Variants in SHC3 observed in about 807,000 individuals in gnomAD.
The protein encoded by SHC3 is SHC-transforming protein 3.
Under a neutral mutation model 60.4 loss-of-function variants are expected in SHC3, and 15 were observed. The observed-to-expected ratio is 0.25, with a 90% CI of 0.17 to 0.38. The LOEUF is 0.38. SHC3 is among the 10% of genes least tolerant of loss of function. The pLI, the probability that SHC3 is intolerant of heterozygous loss-of-function variation, is 1.00. For synonymous variants in SHC3, 294 were observed against 325.9 expected (o/e 0.90, Z 1.05); for missense variants, 677 against 786.1 (o/e 0.86, Z 1.66).
intron 4 of SHC3, among the ~76,000 whole-genome samples, chr9:89,073,086 A>C (rs1825300383): frequency 6.6e-6 from 1 of 152,204 alleles, no homozygotes; most frequent in Non-Finnish European, 1.5e-5. Flanking sequence ...GCAAAGGTAG[A>C]GGGCTCCTAA....
intron 6 of SHC3, among the ~76,000 whole-genome samples, chr9:89,054,612 G>C (rs1311359896): frequency 6.6e-6 from 1 of 152,226 alleles, no homozygotes; most frequent in African/African-American, 2.4e-5. Context: ...AGCCTGCTGG[G>C]CTTCACCTCT....
At chr9:89,123,790 C>T (rs1302435818) in intron 1 of SHC3, among the ~76,000 whole-genome samples, 2 of 152,126 alleles carry the variant, frequency 1.3e-5, no homozygotes, top group African/African-American at 4.8e-5. Context: ...TCTATTAGAG[C>T]CATCTTCTGA....
chr9:89,175,985 C>T (rs372276296), intron 1 of SHC3, among the ~76,000 whole-genome samples: 2 of 152,174 alleles, frequency 1.3e-5, no homozygotes, highest in Non-Finnish European at 1.5e-5. Flanking sequence ...TTTCTTTCTG[C>T]GTGATTTCAA....
intron 2 of SHC3, among the ~76,000 whole-genome samples, chr9:89,100,792 C>T (rs961293028): frequency 1.4e-4 from 21 of 152,170 alleles, no homozygotes; most frequent in Non-Finnish European, 2.6e-4. Context: ...TGAGATCCAT[C>T]CACATTGTTG....
At chr9:89,124,236 T>A (rs1299494088) in intron 1 of SHC3, among the ~76,000 whole-genome samples, 2 of 152,212 alleles carry the variant, frequency 1.3e-5, no homozygotes, top group Non-Finnish European at 2.9e-5. Flanking sequence ...TTTCACACTG[T>A]TGGTAGGAGT....
intron 1 of SHC3, among the ~76,000 whole-genome samples, chr9:89,125,171 A>T (rs75142806): frequency 1.3e-5 from 2 of 152,284 alleles, no homozygotes; most frequent in Non-Finnish European, 2.9e-5. Flanking sequence ...AACATCAACC[A>T]GGAGCTTGTT....
At chr9:89,063,896 C>T (rs1825132554) in intron 6 of SHC3, among the ~76,000 whole-genome samples, 1 of 152,238 alleles carries the variant, frequency 6.6e-6, no homozygotes, top group Non-Finnish European at 1.5e-5. Context: ...CTGTCTTAAT[C>T]AGCTGGGACT....
At chr9:89,113,863 C>A (rs1030745242) in intron 1 of SHC3, among the ~76,000 whole-genome samples, 6 of 152,160 alleles carry the variant, frequency 3.9e-5, no homozygotes, top group African/African-American at 1.4e-4. Context: ...ATTCCATGAC[C>A]AATGTCAGAG....
intron 2 of SHC3, chr9:89,110,380 T>A: frequency 1.0e-6 from 1 of 985,114 alleles, no homozygotes; most frequent in Non-Finnish European, 1.2e-6. Flanking sequence ...TAATATAACT[T>A]AATTAGGACA....
chr9:89,103,639 A>G (rs1213470513), intron 2 of SHC3, among the ~76,000 whole-genome samples: 1 of 152,264 alleles, frequency 6.6e-6, no homozygotes, highest in Non-Finnish European at 1.5e-5. Context: ...CATAAAATAA[A>G]AATGAGAATA....
At position 89,177,969 on chromosome 9, in the gene SHC3, G is replaced by A; in HGVS notation, c.474+18C>T. The A allele has an allele frequency of 8.2e-7, 1 of 1,215,270 alleles. No homozygotes were observed. The highest frequency in any genetic ancestry group is 1.0e-6 in the Non-Finnish European group (1 of 977,282). The allele number at this position is 1,215,270 out of a possible 1,614,324, so 75.3% of individuals were successfully genotyped here. A position where few individuals can be genotyped will look rare whatever the true frequency, so the allele number is the denominator to read the frequency against. On this transcript the variant is annotated intron_variant, in intron 1 of 11. Transcript: ENST00000375835. ...CCCAGAACCCCCAGCCCCCAGGGCG[G>A]CCCGCGCCCGCACCCACCTTGACCA...
intron 2 of SHC3, among the ~76,000 whole-genome samples, chr9:89,099,985 C>T (rs555108746): frequency 6.6e-5 from 10 of 152,204 alleles, no homozygotes; most frequent in Middle Eastern, 6.8e-3. Context: ...TGTGCATTTC[C>T]TATGTTTCCC....
chr9:89,066,397 G>A (rs1000850441), intron 5 of SHC3, among the ~76,000 whole-genome samples: 1 of 152,150 alleles, frequency 6.6e-6, no homozygotes, highest in Non-Finnish European at 1.5e-5. Context: ...ACTTTAATAT[G>A]TTTTAAAAAT....
At chr9:89,026,373 A>G (rs1256218412) in intron 11 of SHC3, among the ~76,000 whole-genome samples, 2 of 151,872 alleles carry the variant, frequency 1.3e-5, no homozygotes, top group Non-Finnish European at 2.9e-5. Context: ...ACAACCCCTT[A>G]TCTTAACCCA....
intron 11 of SHC3, among the ~76,000 whole-genome samples, chr9:89,016,321 T>G (rs1826092527): frequency 6.6e-6 from 1 of 152,176 alleles, no homozygotes; most frequent in Admixed American, 6.5e-5. Context: ...TTGCATTTGG[T>G]TTACAATATT....
chr9:89,124,645 C>G (rs1031825796), intron 1 of SHC3, among the ~76,000 whole-genome samples: 3 of 151,986 alleles, frequency 2.0e-5, no homozygotes, highest in Non-Finnish European at 4.4e-5. Flanking sequence ...AACAAGAACA[C>G]ATGAACACAG....
chr9:89,026,535 G>A (rs1321736119), intron 11 of SHC3, among the ~76,000 whole-genome samples: 4 of 152,088 alleles, frequency 2.6e-5, no homozygotes, highest in East Asian at 1.9e-4. Context: ...TTACATGTAC[G>A]GATTAATATC....
intron 1 of SHC3, among the ~76,000 whole-genome samples, chr9:89,114,707 C>G (rs1337723377): frequency 2.0e-5 from 3 of 151,982 alleles, no homozygotes; most frequent in Non-Finnish European, 4.4e-5. Flanking sequence ...CAGAATTATG[C>G]AAATACTCCA....
chr9:89,139,231 G>A (rs1308898739), intron 1 of SHC3, among the ~76,000 whole-genome samples: 1 of 152,072 alleles, frequency 6.6e-6, no homozygotes, highest in African/African-American at 2.4e-5. Flanking sequence ...TCACAGGAAT[G>A]AGCCAGATCA....
Sources: allele counts gnomAD v4.1 joint callset (sites outside exome capture counted in the v4.1 genomes callset), GRCh38; gene constraint gnomAD v4.1.1; transcripts MANE v1.5; gene names NCBI Gene and HGNC (gene_info 2026-07-23, HGNC 2026-07-21).